The following CLCN7 variants were observed in gnomAD, a reference collection of about 807,000 sequenced individuals.
CLCN7 encodes the protein H(+)/Cl(-) exchange transporter 7.
In CLCN7, 60 loss-of-function variants were observed where a neutral mutation model predicts 102.1. That is an observed-to-expected ratio of 0.59 (90% CI 0.48 to 0.73). The LOEUF (loss-of-function observed/expected upper bound fraction) is 0.73, where lower values mean the gene tolerates loss of function less well. Among genes scored for constraint, CLCN7 ranks in the 30% least tolerant of loss-of-function variants. The pLI, the probability that CLCN7 is intolerant of heterozygous loss-of-function variation, is 0.00. For missense variants in CLCN7, 962 were observed against 1,125.7 expected, an observed-to-expected ratio of 0.85 and a Z score of 2.08; for synonymous variants, 560 against 490.5, an observed-to-expected ratio of 1.14 and a Z score of -1.87.
Position 1,447,494 on chromosome 16 carries a change from C to T in CLCN7, c.2148G>A (p.Pro716=), listed in dbSNP as rs149081153. 1,226 of 1,553,484 alleles carry T rather than the reference C, an allele frequency of 7.9e-4. 9 individuals are homozygous for T. In the African/African-American group the frequency reaches 0.015, roughly 18 times the overall value. The change falls in exon 23 of 25, where the codon CCG becomes CCA. Residue 716 remains proline (P), a synonymous_variant. Transcript: ENST00000382745. ...GGATGGACTGGATGGGTGGGAAGCGCGGGTAGGCGTCTCGGAAGTCCTTCA... is the reference window on the plus strand; with the variant it reads ...GGATGGACTGGATGGGTGGGAAGCGTGGGTAGGCGTCTCGGAAGTCCTTCA... The part of the protein sequence containing the change: ...LRLKDFRDAY[P]RFPPIQSIHV...
In CLCN7 at chr16:1,448,440, T is replaced by A; in HGVS notation, c.1928A>T (p.Lys643Met). 1.2e-6 allele frequency: 2 copies of A among 1,612,130 alleles called. No homozygotes were observed. The highest frequency in any genetic ancestry group is 2.2e-5 in the South Asian group (2 of 91,092). ...TPVTCLRRREKVGVIVDVLSD... is the reference protein window; with the variant it reads ...TPVTCLRRREMVGVIVDVLSD... The stretch of plus-strand genomic sequence containing the variant: ...CAGCACGTCCACAATGACGCCGACC[T>A]TCTCACGCCGCCTCAGGCAGGTCAC... Residue 643 changes from lysine (K) to methionine (M), a missense_variant, in exon 21 of 25, where the codon AAG (lysine) becomes ATG (methionine). Around this residue, in one of 2 missense-constraint regions of CLCN7, gnomAD observed 799 missense variants for 988.0 expected, o/e 0.81. Coordinates refer to ENST00000382745, the MANE Select transcript of CLCN7 (RefSeq NM_001287.6).
chr16:1,452,642 C>T, intron 15 of CLCN7, 113 bp downstream of exon 15: 1 of 1,174,544 alleles, frequency 8.5e-7, no homozygotes, highest in Non-Finnish European at 1.2e-6. Flanking sequence ...AGCCCATGCG[C>T]TTCTGGAACT....
At chr16:1,473,730 G>A (rs1245766031) in intron 1 of CLCN7, among the ~76,000 whole-genome samples, 1 of 151,998 alleles carries the variant, frequency 6.6e-6, no homozygotes, top group African/African-American at 2.4e-5. Flanking sequence ...AAGAGAAAAT[G>A]TAAAGAATAA....
At chr16:1,461,254 C>A in intron 4 of CLCN7, 151 bp downstream of exon 4, 1 of 790,496 alleles carries the variant, frequency 1.3e-6, no homozygotes, top group Admixed American at 2.2e-5. Flanking sequence ...CCCACTGTCT[C>A]TAGAAACCAG....
At chr16:1,447,793 T>C (rs1400101671) in intron 21 of CLCN7, 79 bp from the exon 22 acceptor site, 1 of 1,464,526 alleles carries the variant, frequency 6.8e-7, no homozygotes, top group African/African-American at 1.4e-5. Context: ...GGCCCCGCTC[T>C]GACCCTGTTC....
chr16:1,456,489 G>C (rs35561673), intron 9 of CLCN7, among the ~76,000 whole-genome samples: 1 of 152,036 alleles, frequency 6.6e-6, no homozygotes, highest in Non-Finnish European at 1.5e-5. Flanking sequence ...AACGAAAAGC[G>C]CACGGATGGA....
At chr16:1,458,033 G>A (rs2038865825) in intron 7 of CLCN7, among the ~76,000 whole-genome samples, 1 of 147,966 alleles carries the variant, frequency 6.8e-6, no homozygotes, top group Non-Finnish European at 1.5e-5. Context: ...CTGAGGCAAA[G>A]CTGGGCCGCC....
intron 1 of CLCN7, among the ~76,000 whole-genome samples, chr16:1,466,186 A>G (rs941023188): frequency 6.6e-6 from 1 of 152,248 alleles, no homozygotes; most frequent in South Asian, 2.1e-4. Context: ...GCCTGTCAGG[A>G]AAGTGTTGGC....
At chr16:1,459,807 G>T (rs112277364) in intron 6 of CLCN7, among the ~76,000 whole-genome samples, 5 of 22,138 alleles carry the variant, frequency 2.3e-4, no homozygotes, top group Admixed American at 5.8e-4. Flanking sequence ...AGGGGAGAGC[G>T]GCACACACGT....
At chr16:1,450,434 C>T (rs1283829580) in intron 17 of CLCN7, 63 bp downstream of exon 17, 22 of 1,478,580 alleles carry the variant, frequency 1.5e-5, no homozygotes, top group South Asian at 6.0e-5. Flanking sequence ...TGCTCCGGCC[C>T]GCGATGCCGC....
At chr16:1,461,813 G>T in intron 2 of CLCN7, 139 bp from the exon 3 acceptor site, 1 of 769,240 alleles carries the variant, frequency 1.3e-6, no homozygotes. Context: ...CATGGGGCGC[G>T]GTGGCTGACA....
intron 5 of CLCN7, 43 bp from the exon 6 acceptor site, chr16:1,460,570 C>G (rs1167339158): frequency 6.7e-7 from 1 of 1,486,760 alleles, no homozygotes; most frequent in Non-Finnish European, 9.4e-7. Flanking sequence ...CCGTCATGAC[C>G]ACCCAGCCCA....
chr16:1,474,164 T>C (rs1007741998), intron 1 of CLCN7: 2 of 455,836 alleles, frequency 4.4e-6, no homozygotes, highest in Admixed American at 2.4e-5. Context: ...TTAACACTGC[T>C]CAGACGCACG....
intron 2 of CLCN7, 56 bp downstream of exon 2, chr16:1,465,210 AC>A: frequency 1.3e-6 from 2 of 1,544,418 alleles, no homozygotes; most frequent in Non-Finnish European, 1.8e-6. Flanking sequence ...CATCCCTGTC[AC>A]CCTCTGCTAA....
Position 1,457,156 on chromosome 16 carries a change from C to T in CLCN7, c.822+98G>A, listed in dbSNP as rs551418440. On this transcript the variant is annotated intron_variant, in intron 9 of 24. Transcript: ENST00000382745. This position sits in a 1 kb window ranked among gnomAD's most constrained non-coding sequence, Gnocchi z 5.4. ...GCTGTCCTCAGATGGGGCTGGGGCT[C>T]TCGGCCTGGGGGTGCTGAGGGAAGC... 10 of 1,169,430 alleles carry T rather than the reference C, an allele frequency of 8.6e-6. No homozygotes were observed. The African/African-American group carries it at 1.4e-4, about 16-fold the overall frequency. The allele number at this position is 1,169,430 out of a possible 1,614,324, so 72.4% of individuals were successfully genotyped here. A position where few individuals can be genotyped will look rare whatever the true frequency, so the allele number is the denominator to read the frequency against.
chr16:1,446,757 C>G, intron 24 of CLCN7, 40 bp from the exon 25 acceptor site: 1 of 1,508,552 alleles, frequency 6.6e-7, no homozygotes, highest in Non-Finnish European at 9.0e-7. Context: ...CACGGGTCGG[C>G]TCCCGCCTGC....
intron 15 of CLCN7, 153 bp downstream of exon 15, chr16:1,452,601 TG>T: frequency 1.3e-6 from 1 of 769,488 alleles, no homozygotes; most frequent in Non-Finnish European, 2.1e-6. Context: ...GAGATCTGGG[TG>T]GACAGGACTA....
At chr16:1,447,872 G>A (rs2038678967) in intron 21 of CLCN7, among the ~76,000 whole-genome samples, 158 bp from the exon 22 acceptor site, 3 of 152,196 alleles carry the variant, frequency 2.0e-5, no homozygotes, top group African/African-American at 7.2e-5. Context: ...CCTCGCCATG[G>A]CATCCCACAC....
In CLCN7 at chr16:1,450,616, G is replaced by A. The variant is rs556202468; in HGVS notation, c.1498C>T (p.Leu500=). The A allele has an allele frequency of 1.5e-5, 24 of 1,612,732 alleles. No individual in the cohort carries two copies. The East Asian group carries it at 5.1e-4, about 34-fold the overall frequency. The change falls in exon 17 of 25, where the codon CTG becomes TTG. Residue 500 remains leucine (L), a synonymous_variant. Transcript: ENST00000382745. ...LGLFTLVYFF[L]ACWTYGLTVS... ...GTGAGCCCGTAGGTCCAGCAGGCCA[G>A]GAAGAAGTAGACCAGCGTGAACAGG...
Sources: allele counts gnomAD v4.1 joint callset (sites outside exome capture counted in the v4.1 genomes callset), GRCh38; gene constraint gnomAD v4.1.1; regional missense constraint gnomAD v4.1.1; non-coding constraint Gnocchi (gnomAD v3.1); transcripts MANE v1.5; gene names NCBI Gene and HGNC (gene_info 2026-07-23, HGNC 2026-07-21).